Variants in ADCY1 observed in about 807,000 individuals in gnomAD.
The protein encoded by ADCY1 is adenylate cyclase type 1.
ADCY1 carries 28 observed loss-of-function variants against 105.4 expected under a neutral mutation model. The ratio of observed to expected loss-of-function variants is 0.27; its 90% CI spans 0.20 to 0.36. ADCY1 has a LOEUF of 0.36. ADCY1 is among the 10% of genes least tolerant of loss of function. The pLI is 1.00. For synonymous variants in ADCY1, 655 were observed against 623.8 expected, an observed-to-expected ratio of 1.05 and a Z score of -0.75; for missense variants, 977 against 1,434.2, an observed-to-expected ratio of 0.68 and a Z score of 5.15.
At chr7:45,574,251 G>C (rs2115670177), upstream of ADCY1, 10 of 617,832 alleles carry the variant, frequency 1.6e-5, no homozygotes, top group Admixed American at 1.3e-4. The surrounding 1 kb of genome is among the most constrained non-coding windows in gnomAD (Gnocchi z 7.0). Flanking sequence ...TGGGGCGCGG[G>C]CTGTGCGCGC....
intron 8 of ADCY1, among the ~76,000 whole-genome samples, chr7:45,677,289 A>T (rs919323614): frequency 2.6e-5 from 4 of 152,182 alleles, no homozygotes; most frequent in African/African-American, 7.2e-5. Flanking sequence ...GGTTCTGTTT[A>T]TGAAGCACTG....
At chr7:45,611,426 G>A (rs1410496595) in intron 3 of ADCY1, among the ~76,000 whole-genome samples, 1 of 152,104 alleles carries the variant, frequency 6.6e-6, no homozygotes, top group Non-Finnish European at 1.5e-5. Flanking sequence ...CTGGCTTTGA[G>A]CAGTGACATT....
intron 3 of ADCY1, among the ~76,000 whole-genome samples, chr7:45,619,360 A>G (rs1191637462): frequency 2.0e-5 from 3 of 152,154 alleles, no homozygotes; most frequent in Non-Finnish European, 4.4e-5. Flanking sequence ...AGAAGAGACG[A>G]TATTTGAATG....
intron 8 of ADCY1, among the ~76,000 whole-genome samples, chr7:45,662,669 C>A (rs1387077740): frequency 1.3e-5 from 2 of 152,174 alleles, no homozygotes; most frequent in South Asian, 4.2e-4. Context: ...TGCAGGAGCT[C>A]GCTGCCTGCA....
At chr7:45,594,408 A>G (rs745854409) in intron 2 of ADCY1, among the ~76,000 whole-genome samples, 6 of 152,198 alleles carry the variant, frequency 3.9e-5, no homozygotes, top group Non-Finnish European at 7.3e-5. Flanking sequence ...GATCCCAGAA[A>G]TGAATCTTTG....
In ADCY1 at chr7:45,606,554, G is replaced by T. The variant is rs182805277; in HGVS notation, c.790-3825G>T. 5.9e-5 allele frequency among the ~76,000 whole-genome samples: 9 copies of T among 152,254 alleles called. No homozygotes were observed. In the East Asian group the frequency reaches 1.7e-3, roughly 29 times the overall value. On this transcript the variant is annotated intron_variant, in intron 2 of 19. Coordinates refer to ENST00000297323, the MANE Select transcript of ADCY1 (RefSeq NM_021116.4). ...AGAAACCTCAGGAACTCACCTTTATGTCATTTCTTGGTTTCAAGATTTCTG... is the reference window on the plus strand; with the variant it reads ...AGAAACCTCAGGAACTCACCTTTATTTCATTTCTTGGTTTCAAGATTTCTG...
intron 10 of ADCY1, 31 bp from the exon 11 acceptor site, chr7:45,679,678 A>G (rs760110404): frequency 5.6e-6 from 9 of 1,612,224 alleles, no homozygotes; most frequent in Non-Finnish European, 7.6e-6. Flanking sequence ...ATCCCCACCT[A>G]TCAGTGACTC....
At chr7:45,574,322 CG>C (rs1792245456), upstream of ADCY1, 1 of 185,958 alleles carries the variant, frequency 5.4e-6, no homozygotes. This position sits in a 1 kb window ranked among gnomAD's most constrained non-coding sequence, Gnocchi z 7.0. Flanking sequence ...GGACCACGGT[CG>C]GGGCGCGGGC....
In ADCY1 at chr7:45,720,515, A is replaced by C. The variant is rs78561137; in HGVS notation, c.*6520A>C. ...TGGGCGACAGAGCAAGACTCTCTCA[A>C]AAAAAAAAAAAAAAGAAAGAAAGAA... On this transcript the variant is annotated 3_prime_UTR_variant, in exon 20 of 20. Transcript: ENST00000297323. 1.3e-5 allele frequency: 1 copy of C among 75,542 alleles called. No homozygotes were observed. The highest frequency in any genetic ancestry group is 2.7e-5 in the Non-Finnish European group (1 of 37,522). 4.7% of individuals were successfully genotyped at this position (75,542 alleles called of 1,614,324 possible). A position where few individuals can be genotyped will look rare whatever the true frequency, so the allele number is the denominator to read the frequency against.
At chr7:45,688,343 C>T (rs375287033) in intron 14 of ADCY1, among the ~76,000 whole-genome samples, 13 of 152,256 alleles carry the variant, frequency 8.5e-5, no homozygotes, top group East Asian at 3.9e-4. Context: ...AGTAGGTGCT[C>T]GGTAAGGCTG....
chr7:45,691,949 A>T (rs1324290130), intron 14 of ADCY1, among the ~76,000 whole-genome samples: 2 of 151,138 alleles, frequency 1.3e-5, no homozygotes, highest in Non-Finnish European at 3.0e-5. Flanking sequence ...AGCCGTGGTC[A>T]TCATGCTTCT....
chr7:45,649,388 G>A (rs889381318), intron 5 of ADCY1, among the ~76,000 whole-genome samples: 1 of 152,194 alleles, frequency 6.6e-6, no homozygotes, highest in South Asian at 2.1e-4. Flanking sequence ...GGGAAGGTGT[G>A]GAGCTGGAAG....
upstream of ADCY1, chr7:45,574,279 G>A (rs1792243745): frequency 2.2e-5 from 8 of 360,602 alleles, no homozygotes; most frequent in East Asian, 1.7e-4. This position sits in a 1 kb window ranked among gnomAD's most constrained non-coding sequence, Gnocchi z 7.0. Context: ...CGCGGCTCCC[G>A]GGGCTCGGCT....
In ADCY1 at chr7:45,657,773, C is replaced by G; in HGVS notation, c.1195C>G (p.Leu399Val). ...TEVDLNMRVG[L>V]HTGRVLCGVL... The stretch of plus-strand genomic sequence containing the variant: ...GGTGGATCTGAACATGCGTGTGGGT[C>G]TGCACACGGGCAGGGTCCTCTGTGG... Residue 399 changes from leucine to valine, a missense_variant, in exon 6 of 20, where the codon CTG (leucine) becomes GTG (valine). Leu to Val is a conservative substitution (Grantham distance 32). Around this residue, in one of 7 missense-constraint regions of ADCY1, gnomAD observed 196 missense variants for 347.8 expected, o/e 0.56. Transcript: ENST00000297323. 1.9e-6 allele frequency: 3 copies of G among 1,614,010 alleles called. No individual in the cohort carries two copies. Among genetic ancestry groups the G allele is most frequent in the Non-Finnish European group, 2.5e-6 (3 of 1,179,978 alleles).
intron 3 of ADCY1, 65 bp downstream of exon 3, chr7:45,610,562 A>C (rs973535147): frequency 1.4e-6 from 2 of 1,413,618 alleles, no homozygotes; most frequent in African/African-American, 2.8e-5. Flanking sequence ...GATAATGGTG[A>C]AGGTGGGGAG....
intron 14 of ADCY1, among the ~76,000 whole-genome samples, chr7:45,687,249 C>G (rs562721174): frequency 2.6e-5 from 4 of 152,328 alleles, no homozygotes; most frequent in African/African-American, 9.6e-5. Context: ...CATCTGGGTA[C>G]CAGGCTGGAG....
At chr7:45,633,167 C>T (rs1371821367) in intron 4 of ADCY1, among the ~76,000 whole-genome samples, 1 of 152,210 alleles carries the variant, frequency 6.6e-6, no homozygotes, top group African/African-American at 2.4e-5. Context: ...ATCCACCTGC[C>T]TCGGTCTTCC....
intron 14 of ADCY1, among the ~76,000 whole-genome samples, chr7:45,695,066 AC>A (rs1231417414): frequency 6.6e-6 from 1 of 152,020 alleles, no homozygotes; most frequent in Non-Finnish European, 1.5e-5. Flanking sequence ...AATCTGGGAG[AC>A]CCCTAGGCTC....
At chr7:45,580,209 G>A (rs938947416) in intron 1 of ADCY1, among the ~76,000 whole-genome samples, 8 of 152,194 alleles carry the variant, frequency 5.3e-5, no homozygotes, top group African/African-American at 1.9e-4. Flanking sequence ...TGGTCCAGTG[G>A]GCCCAGGGGC....
Sources: gnomAD v4.1 joint callset for allele counts (sites outside exome capture counted in the v4.1 genomes callset) on GRCh38, gnomAD v4.1.1 for gene constraint, gnomAD v4.1.1 regional missense constraint, Gnocchi (gnomAD v3.1) non-coding constraint, MANE v1.5 for transcripts, NCBI Gene and HGNC (gene_info 2026-07-23, HGNC 2026-07-21) for gene names.